Variants in KCNAB1 observed in about 807,000 individuals in gnomAD.
The protein encoded by KCNAB1 is potassium voltage-gated channel subfamily A regulatory beta subunit 1, also known as voltage-gated potassium channel subunit beta-1.
KCNAB1 carries 35 observed loss-of-function variants against 64.6 expected under a neutral mutation model. The observed-to-expected ratio is 0.54, with a 90% CI of 0.41 to 0.72. The LOEUF (loss-of-function observed/expected upper bound fraction) is 0.72. KCNAB1 is among the 30% of genes least tolerant of loss of function. KCNAB1 has a pLI of 0.00. For synonymous variants in KCNAB1, 177 were observed against 183.8 expected, an observed-to-expected ratio of 0.96 and a Z score of 0.30; for missense variants, 401 against 512.9, an observed-to-expected ratio of 0.78 and a Z score of 2.11.
chr3:156,518,064 C>A (rs1173783159), intron 11 of KCNAB1, among the ~76,000 whole-genome samples: 1 of 152,018 alleles, frequency 6.6e-6, no homozygotes, highest in East Asian at 1.9e-4. Context: ...GAAAAGCTTG[C>A]AAACAGCTGA....
At chr3:156,279,055 C>T (rs1021308960) in intron 1 of KCNAB1, among the ~76,000 whole-genome samples, 6 of 151,130 alleles carry the variant, frequency 4.0e-5, no homozygotes, top group Admixed American at 1.3e-4. Context: ...CATGCTGGTG[C>T]GCTTCACCCA....
chr3:156,515,846 A>G (rs1717523640), intron 10 of KCNAB1, among the ~76,000 whole-genome samples: 1 of 152,214 alleles, frequency 6.6e-6, no homozygotes, highest in South Asian at 2.1e-4. Context: ...TGAGCAGGAA[A>G]ATTCTGGGAA....
intron 1 of KCNAB1, among the ~76,000 whole-genome samples, chr3:156,373,875 AT>A (rs1184890391): frequency 6.6e-6 from 1 of 152,204 alleles, no homozygotes; most frequent in East Asian, 1.9e-4. Context: ...GGGGATCATA[AT>A]GGTCTGATCC....
At chr3:156,243,992 A>C (rs543137027) in intron 1 of KCNAB1, among the ~76,000 whole-genome samples, 89 of 152,308 alleles carry the variant, frequency 5.8e-4, no homozygotes, top group African/African-American at 2.1e-3. Flanking sequence ...CTCACCCACT[A>C]TTCCACTTGG....
At chr3:156,187,390 CAT>C (rs1312963378) in intron 1 of KCNAB1, among the ~76,000 whole-genome samples, 1 of 152,222 alleles carries the variant, frequency 6.6e-6, no homozygotes, top group Non-Finnish European at 1.5e-5. Flanking sequence ...ATCATTTTTA[CAT>C]ATCTGTGAAC....
chr3:156,312,335 C>T (rs950306684), intron 1 of KCNAB1, among the ~76,000 whole-genome samples: 5 of 152,146 alleles, frequency 3.3e-5, no homozygotes, highest in Admixed American at 6.5e-5. Context: ...TTTTAAATAG[C>T]GTGAAAAGTG....
intron 1 of KCNAB1, among the ~76,000 whole-genome samples, chr3:156,253,317 G>T (rs1717935063): frequency 6.6e-6 from 1 of 152,192 alleles, no homozygotes; most frequent in African/African-American, 2.4e-5. Context: ...TGAGATACGT[G>T]GCTGAAACAA....
At chr3:156,471,025 G>T (rs1046970898) in intron 7 of KCNAB1, among the ~76,000 whole-genome samples, 77 of 152,298 alleles carry the variant, frequency 5.1e-4, no homozygotes, top group Non-Finnish European at 2.9e-4. Flanking sequence ...GAAAAAACTA[G>T]AAATTATATA....
intron 2 of KCNAB1, among the ~76,000 whole-genome samples, chr3:156,447,487 A>G (rs1295831794): frequency 6.6e-6 from 1 of 152,212 alleles, no homozygotes; most frequent in Non-Finnish European, 1.5e-5. Context: ...TAACTGTGGC[A>G]TAATAAATAT....
At chr3:156,328,228 A>G (rs1027548833) in intron 1 of KCNAB1, among the ~76,000 whole-genome samples, 2 of 152,258 alleles carry the variant, frequency 1.3e-5, no homozygotes, top group East Asian at 3.9e-4. Flanking sequence ...GGATAGTGGA[A>G]GTAGATCATG....
At chr3:156,175,225 T>A (rs555214530) in intron 1 of KCNAB1, among the ~76,000 whole-genome samples, 127 of 152,070 alleles carry the variant, frequency 8.4e-4, no homozygotes, top group African/African-American at 2.9e-3. Flanking sequence ...GAAAATATCC[T>A]ACAAGCCAGT....
At chr3:156,431,697 C>G (rs1716221955) in intron 2 of KCNAB1, among the ~76,000 whole-genome samples, 1 of 152,192 alleles carries the variant, frequency 6.6e-6, no homozygotes, top group Admixed American at 6.5e-5. Context: ...GAAAACCCAG[C>G]TCAAAGCAAG....
chr3:156,361,062 C>T (rs1725577632), intron 1 of KCNAB1, among the ~76,000 whole-genome samples: 1 of 152,180 alleles, frequency 6.6e-6, no homozygotes, highest in Admixed American at 6.5e-5. Context: ...CCAGTACACT[C>T]AGAATCAAAG....
At chr3:156,120,966 C>G (rs1244410475) in intron 1 of KCNAB1, 80 bp downstream of exon 1, 2 of 1,525,070 alleles carry the variant, frequency 1.3e-6, no homozygotes, top group Non-Finnish European at 1.8e-6. Flanking sequence ...TTCTTTTCCT[C>G]TGCAGCTGGA....
At chr3:156,166,473 C>T (rs1401655410) in intron 1 of KCNAB1, among the ~76,000 whole-genome samples, 1 of 151,866 alleles carries the variant, frequency 6.6e-6, no homozygotes, top group Non-Finnish European at 1.5e-5. Flanking sequence ...AATCCCAAAA[C>T]AAATGTAAAC....
At chr3:156,154,791 A>G (rs993618690) in intron 1 of KCNAB1, among the ~76,000 whole-genome samples, 1 of 152,124 alleles carries the variant, frequency 6.6e-6, no homozygotes, top group African/African-American at 2.4e-5. Flanking sequence ...GGGACTGGGC[A>G]ATGGCAGTGG....
At chr3:156,223,481 C>T (rs1225621058) in intron 1 of KCNAB1, among the ~76,000 whole-genome samples, 4 of 152,164 alleles carry the variant, frequency 2.6e-5, no homozygotes, top group African/African-American at 9.7e-5. Flanking sequence ...GAGCTAGACA[C>T]AAAAGTGCTC....
At chr3:156,391,306 C>A (rs1246100527) in intron 1 of KCNAB1, among the ~76,000 whole-genome samples, 1 of 152,128 alleles carries the variant, frequency 6.6e-6, no homozygotes, top group Non-Finnish European at 1.5e-5. Flanking sequence ...ATATCTACAT[C>A]CGAGATTAAC....
At chr3:156,417,412 T>G (rs1416902504) in intron 1 of KCNAB1, among the ~76,000 whole-genome samples, 1 of 152,218 alleles carries the variant, frequency 6.6e-6, no homozygotes, top group Non-Finnish European at 1.5e-5. Flanking sequence ...TTGCATATGC[T>G]TTCCAGCTGT....
Sources: allele counts gnomAD v4.1 joint callset (sites outside exome capture counted in the v4.1 genomes callset), GRCh38; gene constraint gnomAD v4.1.1; transcripts MANE v1.5; gene names NCBI Gene and HGNC (gene_info 2026-07-23, HGNC 2026-07-21).